The following GRID1 variants were observed in gnomAD, a reference collection of about 807,000 sequenced individuals.
GRID1 encodes the protein glutamate receptor ionotropic, delta-1.
In GRID1, 28 loss-of-function variants were observed where a neutral mutation model predicts 98.0. That is an observed-to-expected ratio of 0.29 (90% CI 0.21 to 0.39). The LOEUF (loss-of-function observed/expected upper bound fraction) is 0.39, where lower values mean the gene tolerates loss of function less well. GRID1 is among the 10% of genes least tolerant of loss of function. The pLI is 1.00. For synonymous variants in GRID1, 553 were observed against 538.5 expected, an observed-to-expected ratio of 1.03 and a Z score of -0.37; for missense variants, 1,111 against 1,340.5, an observed-to-expected ratio of 0.83 and a Z score of 2.67.
intron 4 of GRID1, among the ~76,000 whole-genome samples, chr10:85,950,522 A>T (rs187465496): frequency 1.3e-5 from 2 of 152,318 alleles, no homozygotes; most frequent in African/African-American, 4.8e-5. Flanking sequence ...GGCTCTGAGA[A>T]TCCAAGCCTG....
At chr10:86,296,782 CACACAT>C (rs1847597910) in intron 2 of GRID1, among the ~76,000 whole-genome samples, 1 of 119,898 alleles carries the variant, frequency 8.3e-6, no homozygotes, top group East Asian at 2.3e-4. Flanking sequence ...TGCATACATA[CACACAT>C]ACATACATAC....
chr10:85,823,481 G>A (rs1036916040), intron 8 of GRID1, among the ~76,000 whole-genome samples: 9 of 151,138 alleles, frequency 6.0e-5, no homozygotes, highest in African/African-American at 1.2e-4. Context: ...ACCAAAGAGG[G>A]GGTAAAACAG....
intron 8 of GRID1, among the ~76,000 whole-genome samples, chr10:85,773,298 A>ATAT (rs1488421657): frequency 1.3e-5 from 2 of 152,124 alleles, no homozygotes; most frequent in African/African-American, 4.8e-5. Flanking sequence ...AACTCTCAAT[A>ATAT]AATTAGGTAT....
chr10:85,775,564 T>C (rs1842322775), intron 8 of GRID1, among the ~76,000 whole-genome samples: 1 of 152,134 alleles, frequency 6.6e-6, no homozygotes, highest in Non-Finnish European at 1.5e-5. Flanking sequence ...GTGGCAAGTG[T>C]TGCAGAACTA....
intron 8 of GRID1, among the ~76,000 whole-genome samples, chr10:85,797,291 T>C (rs1397362410): frequency 6.6e-6 from 1 of 152,164 alleles, no homozygotes; most frequent in Non-Finnish European, 1.5e-5. Context: ...GTTTGTTACA[T>C]GGGTATTGAG....
intron 3 of GRID1, among the ~76,000 whole-genome samples, chr10:86,177,873 TG>T (rs1845599592): frequency 6.6e-6 from 1 of 151,918 alleles, no homozygotes; most frequent in Non-Finnish European, 1.5e-5. Context: ...TGTGTGTGCA[TG>T]AAAGAGACAG....
chr10:86,246,926 A>T (rs1042565529), intron 2 of GRID1, among the ~76,000 whole-genome samples: 4 of 152,256 alleles, frequency 2.6e-5, no homozygotes, highest in African/African-American at 9.6e-5. Context: ...GCTCTGTGGC[A>T]TCCTTGGATC....
intron 5 of GRID1, among the ~76,000 whole-genome samples, chr10:85,881,589 A>G (rs1335395107): frequency 1.1e-4 from 16 of 152,028 alleles, no homozygotes; most frequent in Non-Finnish European, 1.3e-4. Flanking sequence ...AGCTGAAACT[A>G]GATCCCTTCC....
chr10:86,318,987 A>G (rs558550335), intron 2 of GRID1, among the ~76,000 whole-genome samples: 17 of 152,312 alleles, frequency 1.1e-4, no homozygotes, highest in Non-Finnish European at 1.9e-4. Context: ...ATGGGGCTTA[A>G]GATAGGTCTC....
chr10:86,261,182 A>T (rs1847010745), intron 2 of GRID1, among the ~76,000 whole-genome samples: 2 of 152,222 alleles, frequency 1.3e-5, no homozygotes, highest in Non-Finnish European at 2.9e-5. Flanking sequence ...TGGATGAGGA[A>T]ACTGAGGCTT....
chr10:85,697,375 T>A (rs955426611), intron 12 of GRID1, among the ~76,000 whole-genome samples: 5 of 152,182 alleles, frequency 3.3e-5, no homozygotes, highest in Middle Eastern at 3.2e-3. Context: ...TGACCCTCTA[T>A]CCTCTGTAAT....
At chr10:85,671,571 C>T (rs1841085994) in intron 12 of GRID1, among the ~76,000 whole-genome samples, 13 of 152,084 alleles carry the variant, frequency 8.5e-5, no homozygotes, top group Admixed American at 8.5e-4. Context: ...CCTCAGGCCT[C>T]CCTATTCCCC....
Position 86,206,525 on chromosome 10 carries a change from G to A in GRID1, c.359C>T (p.Pro120Leu), listed in dbSNP as rs143664937. Residue 120 changes from proline (P) to leucine (L), a missense_variant, in exon 3 of 16, where the codon CCG becomes CTG. Coordinates refer to ENST00000327946, the MANE Select transcript of GRID1 (RefSeq NM_017551.3). This position sits in a 1 kb window ranked among gnomAD's most constrained non-coding sequence, Gnocchi z 4.1. ...GCATGCGGTGCGTGGCGACCCTCCC[G>A]GGTTGCGCTGGACAAAGAGGTGTGG... is the stretch of plus-strand genomic sequence containing the variant. The part of the protein sequence containing the change: ...HIPHLFVQRN[P>L]GGSPRTACHL... The A allele has an allele frequency of 3.5e-5, 56 of 1,614,098 alleles. 1 individual carries two copies. The highest frequency in any genetic ancestry group is 1.6e-4 in the Middle Eastern group (1 of 6,084).
chr10:85,871,514 C>A (rs182576611), intron 5 of GRID1, among the ~76,000 whole-genome samples: 15 of 152,238 alleles, frequency 9.9e-5, no homozygotes, highest in African/African-American at 2.9e-4. Flanking sequence ...ACTAAGTCAG[C>A]GGTAAATTAC....
intron 3 of GRID1, among the ~76,000 whole-genome samples, chr10:86,193,611 C>T (rs1264472627): frequency 2.0e-5 from 3 of 152,048 alleles, no homozygotes; most frequent in Non-Finnish European, 4.4e-5. Context: ...TCAACTCTGA[C>T]AGTTGGAAAG....
intron 2 of GRID1, among the ~76,000 whole-genome samples, chr10:86,283,543 A>G (rs535642189): frequency 7.7e-6 from 1 of 130,718 alleles, no homozygotes; most frequent in Admixed American, 8.2e-5. Context: ...ACACACACAC[A>G]CCTGCCCTTA....
rs574603576 is a variant in GRID1, at chr10:86,348,777, G to A, written c.235+15164C>T. Among the ~76,000 whole-genome samples, 14 of 152,376 alleles carry A rather than the reference G, an allele frequency of 9.2e-5. No individual in the cohort carries two copies. In the South Asian group the frequency reaches 1.4e-3, roughly 16 times the overall value. On this transcript the variant is annotated intron_variant, in intron 2 of 15. Transcript: ENST00000327946. ...GCTCCCGGAAGCATTCACCAGTGCC[G>A]ATCAGTGCGTACTGAGACTCATCAC...
At chr10:85,827,530 C>T (rs1359544406) in intron 8 of GRID1, among the ~76,000 whole-genome samples, 3 of 152,084 alleles carry the variant, frequency 2.0e-5, no homozygotes, top group Non-Finnish European at 4.4e-5. Flanking sequence ...AAATCTATGA[C>T]TTGGAGTCAC....
Position 85,722,883 on chromosome 10 carries a change from G to A in GRID1, c.1997+120C>T, listed in dbSNP as rs763736818. Reference sequence around the variant, plus strand: ...CTTCTCCATGCACTAAAGATTCCAGGAGACCATCAGTTTGCAGATCAGGGC... The same window carrying A: ...CTTCTCCATGCACTAAAGATTCCAGAAGACCATCAGTTTGCAGATCAGGGC... On this transcript the variant is annotated intron_variant, in intron 12 of 15. Transcript: ENST00000327946. 406 of 642,580 alleles carry A rather than the reference G, an allele frequency of 6.3e-4. 1 individual carries two copies. The highest frequency in any genetic ancestry group is 9.0e-4 in the Middle Eastern group (3 of 3,326). 39.8% of individuals were successfully genotyped at this position (642,580 alleles called of 1,614,324 possible).
Sources: gnomAD v4.1 joint callset for allele counts (sites outside exome capture counted in the v4.1 genomes callset) on GRCh38, gnomAD v4.1.1 for gene constraint, Gnocchi (gnomAD v3.1) non-coding constraint, MANE v1.5 for transcripts, NCBI Gene and HGNC (gene_info 2026-07-23, HGNC 2026-07-21) for gene names.